Variants in VCAN observed in about 807,000 individuals in gnomAD.
The protein encoded by VCAN is versican core protein.
In VCAN, 44 loss-of-function variants were observed where a neutral mutation model predicts 245.5. The observed-to-expected ratio is 0.18, with a 90% CI of 0.14 to 0.23. VCAN has a LOEUF of 0.23. VCAN is among the 10% of genes least tolerant of loss of function. The pLI, the probability that VCAN is intolerant of heterozygous loss-of-function variation, is 1.00. For missense variants in VCAN, 3,793 were observed against 4,057.9 expected (o/e 0.93, Z 1.77); for synonymous variants, 1,413 against 1,437.0 (o/e 0.98, Z 0.38).
At chr5:83,563,994 G>A (rs1166220890) in intron 12 of VCAN, among the ~76,000 whole-genome samples, 1 of 152,128 alleles carries the variant, frequency 6.6e-6, no homozygotes, top group Non-Finnish European at 1.5e-5. Flanking sequence ...GAGTGGAAAA[G>A]AAGAAACTAC....
rs1341877237 is a variant in VCAN, at chr5:83,580,300, C to T, written c.10064-7C>T. ...TTTTCTTTTTTTCTTTCTTTCCTTC[C>T]ATGTAGCATCTGCATACCAAAGGAC... On this transcript the variant is annotated splice_polypyrimidine_tract_variant and splice_region_variant and intron_variant, in intron 14 of 14. Coordinates refer to ENST00000265077, the MANE Select transcript of VCAN (RefSeq NM_004385.5). 6.2e-7 allele frequency: 1 copy of T among 1,613,776 alleles called. No homozygotes were observed. Among genetic ancestry groups the T allele is most frequent in the East Asian group, 2.2e-5 (1 of 44,866 alleles).
chr5:83,532,814 CAA>C (rs1175348042), intron 7 of VCAN, among the ~76,000 whole-genome samples: 2 of 151,982 alleles, frequency 1.3e-5, no homozygotes, highest in East Asian at 1.9e-4. Context: ...AAAAAGGAAA[CAA>C]AATAATTTCA....
intron 7 of VCAN, among the ~76,000 whole-genome samples, chr5:83,528,861 C>T (rs1746404338): frequency 1.3e-5 from 2 of 151,838 alleles, no homozygotes; most frequent in Admixed American, 6.6e-5. Context: ...GCAATGTGGA[C>T]CCAGGGATTT....
chr5:83,513,869 A>G (rs1745752551), intron 6 of VCAN, among the ~76,000 whole-genome samples: 1 of 152,200 alleles, frequency 6.6e-6, no homozygotes, highest in Admixed American at 6.6e-5. Flanking sequence ...AAGGCATTGG[A>G]GAGGTTAAAT....
intron 8 of VCAN, among the ~76,000 whole-genome samples, chr5:83,543,816 A>G (rs1747095998): frequency 6.6e-6 from 1 of 152,196 alleles, no homozygotes; most frequent in African/African-American, 2.4e-5. Context: ...ACAAATGGTC[A>G]CTTTAGCTTA....
At chr5:83,509,270 T>A (rs1414877908) in intron 5 of VCAN, among the ~76,000 whole-genome samples, 1 of 152,182 alleles carries the variant, frequency 6.6e-6, no homozygotes, top group African/African-American at 2.4e-5. Context: ...TAACAAGAGT[T>A]TCTACATGAA....
intron 12 of VCAN, among the ~76,000 whole-genome samples, chr5:83,557,337 C>T (rs959335371): frequency 6.6e-6 from 1 of 152,130 alleles, no homozygotes; most frequent in African/African-American, 2.4e-5. Context: ...TAGCAGTTCA[C>T]CTCTTCAAAG....
Position 83,520,583 on chromosome 5 carries a change from G to A in VCAN, c.2277G>A (p.Glu759=). 1 of 1,614,010 alleles carries A rather than the reference G, an allele frequency of 6.2e-7. No homozygotes were observed. The highest frequency in any genetic ancestry group is 8.5e-7 in the Non-Finnish European group (1 of 1,179,982). ...FPTLITKLSA[E]PTEVRDMEED... The stretch of plus-strand genomic sequence containing the variant: ...CATTGATAACAAAGTTAAGTGCAGA[G>A]CCAACAGAAGTAAGAGATATGGAGG... The change falls in exon 7 of 15, where the codon GAG becomes GAA. Residue 759 remains glutamate, a synonymous_variant. Coordinates refer to ENST00000265077, the MANE Select transcript of VCAN (RefSeq NM_004385.5).
intron 12 of VCAN, chr5:83,561,968 T>G (rs1226745193): frequency 6.6e-6 from 1 of 152,152 alleles, no homozygotes; most frequent in Admixed American, 6.6e-5. Flanking sequence ...TTCACATGAT[T>G]TGACAGAAAA....
Position 83,520,792 on chromosome 5 carries a change from C to T in VCAN, c.2486C>T (p.Ala829Val), listed in dbSNP as rs747483849. 1.9e-6 allele frequency: 3 copies of T among 1,614,108 alleles called. No individual in the cohort carries two copies. The highest frequency in any genetic ancestry group is 1.7e-6 in the Non-Finnish European group (2 of 1,179,990). Residue 829 changes from alanine to valine, a missense_variant, in exon 7 of 15, where the codon GCC (alanine) becomes GTC (valine). Physicochemically the swap from Ala to Val is moderately conservative, Grantham distance 64 (BLOSUM62 0). Around this residue, in one of 5 missense-constraint regions of VCAN, gnomAD observed 3,182 missense variants for 3,250.3 expected, o/e 0.98. Coordinates refer to ENST00000265077, the MANE Select transcript of VCAN (RefSeq NM_004385.5). ...EPSASSKLPP[A>V]LLTTVGMNGK... The stretch of plus-strand genomic sequence containing the variant: ...TCAGCCTCTTCAAAATTGCCCCCTG[C>T]CTTACTCACAACTGTGGGGATGAAT...
intron 12 of VCAN, among the ~76,000 whole-genome samples, chr5:83,567,463 G>A (rs2112492311): frequency 7.4e-6 from 1 of 134,848 alleles, no homozygotes; most frequent in Non-Finnish European, 1.6e-5. Context: ...ACTACGTCCG[G>A]CTAATTTTTT....
Position 83,521,251 on chromosome 5 carries a change from A to C in VCAN, c.2945A>C (p.Asp982Ala), listed in dbSNP as rs551089638. ...CCTCTTTCTGTAATTCCCAAGACAGACTGGGGAGTGTTAGTACCTTCTGTT... is the reference window on the plus strand; with the variant it reads ...CCTCTTTCTGTAATTCCCAAGACAGCCTGGGGAGTGTTAGTACCTTCTGTT... ...TIPLSVIPKT[D>A]WGVLVPSVPS... The change falls in exon 7 of 15, where the codon GAC (aspartate) becomes GCC (alanine). Residue 982 changes from aspartate (D) to alanine (A), a missense_variant. Coordinates refer to ENST00000265077, the MANE Select transcript of VCAN (RefSeq NM_004385.5). 1 of 1,614,104 alleles carries C rather than the reference A, an allele frequency of 6.2e-7. No homozygotes were observed. Among genetic ancestry groups the C allele is most frequent in the East Asian group, 2.2e-5 (1 of 44,880 alleles).
chr5:83,540,915 G>T lies in VCAN; in HGVS notation c.7912G>T (p.Gly2638Cys), dbSNP rs760916415. The change falls in exon 8 of 15, where the codon GGC (glycine) becomes TGC (cysteine). Residue 2638 changes from glycine to cysteine, a missense_variant. Coordinates refer to ENST00000265077, the MANE Select transcript of VCAN (RefSeq NM_004385.5). ...NLSLTEETFEGSADVLASYTQ... is the reference protein window; with the variant it reads ...NLSLTEETFECSADVLASYTQ... ...TTCTTTAACTGAGGAAACATTTGAG[G>T]GCTCTGCTGATGTTCTGGCTAGCTA... is the stretch of plus-strand genomic sequence containing the variant. 1.2e-6 allele frequency: 2 copies of T among 1,613,864 alleles called. No homozygotes were observed. Among genetic ancestry groups the T allele is most frequent in the Non-Finnish European group, 8.5e-7 (1 of 1,179,920 alleles).
At chr5:83,576,745 T>C (rs1302330694) in intron 13 of VCAN, among the ~76,000 whole-genome samples, 1 of 152,144 alleles carries the variant, frequency 6.6e-6, no homozygotes, top group Non-Finnish European at 1.5e-5. Context: ...ACTATTGGAC[T>C]TTGAAATTTT....
rs1257502354 is a variant in VCAN, at chr5:83,520,696, C to G, written c.2390C>G (p.Ala797Gly). 6.2e-7 allele frequency: 1 copy of G among 1,614,076 alleles called. No individual in the cohort carries two copies. The highest frequency in any genetic ancestry group is 8.5e-7 in the Non-Finnish European group (1 of 1,179,984). Reference protein sequence around the residue: ...LLAHGTLSVEAATVSKWSWDE... With the variant: ...LLAHGTLSVEGATVSKWSWDE... ...GCCCATGGTACTTTAAGTGTTGAAGCAGCCACTGTATCAAAATGGTCATGG... is the reference window on the plus strand; with the variant it reads ...GCCCATGGTACTTTAAGTGTTGAAGGAGCCACTGTATCAAAATGGTCATGG... The change falls in exon 7 of 15, where the codon GCA (alanine) becomes GGA (glycine). Residue 797 changes from alanine (A) to glycine (G), a missense_variant. Around this residue, in one of 5 missense-constraint regions of VCAN, gnomAD observed 3,182 missense variants for 3,250.3 expected, o/e 0.98. Coordinates refer to ENST00000265077, the MANE Select transcript of VCAN (RefSeq NM_004385.5).
chr5:83,497,864 T>G (rs1450974836), intron 5 of VCAN, among the ~76,000 whole-genome samples: 1 of 152,204 alleles, frequency 6.6e-6, no homozygotes, highest in Admixed American at 6.5e-5. Flanking sequence ...AATAAGTTTC[T>G]TTTTTAGGCA....
At chr5:83,485,028 A>G (rs930086567) in intron 2 of VCAN, among the ~76,000 whole-genome samples, 5 of 152,116 alleles carry the variant, frequency 3.3e-5, no homozygotes, top group African/African-American at 1.2e-4. Flanking sequence ...AATAATAATA[A>G]CACCCAAAAC....
chr5:83,502,725 AACTG>A (rs1402330102), intron 5 of VCAN, among the ~76,000 whole-genome samples: 4 of 152,314 alleles, frequency 2.6e-5, no homozygotes, highest in South Asian at 2.1e-4. Context: ...AGAGAATATT[AACTG>A]ACTATCATAG....
chr5:83,543,921 A>G (rs1330733338), intron 8 of VCAN, among the ~76,000 whole-genome samples: 1 of 152,244 alleles, frequency 6.6e-6, no homozygotes, highest in Non-Finnish European at 1.5e-5. Context: ...GGAGAATAAC[A>G]TTCATAAAAA....
Sources: allele counts gnomAD v4.1 joint callset (sites outside exome capture counted in the v4.1 genomes callset), GRCh38; gene constraint gnomAD v4.1.1; regional missense constraint gnomAD v4.1.1; transcripts MANE v1.5; gene names NCBI Gene and HGNC (gene_info 2026-07-23, HGNC 2026-07-21).